Variants in ANKRD28 observed in about 807,000 individuals in gnomAD.
ANKRD28 encodes the protein serine/threonine-protein phosphatase 6 regulatory ankyrin repeat subunit A.
In ANKRD28, 44 loss-of-function variants were observed where a neutral mutation model predicts 126.5. The ratio of observed to expected loss-of-function variants is 0.35; its 90% CI spans 0.27 to 0.45. The LOEUF is 0.45. ANKRD28 is among the 20% of genes least tolerant of loss of function. The pLI is 1.00. For synonymous variants in ANKRD28, 442 were observed against 468.5 expected (o/e 0.94, Z 0.73); for missense variants, 1,110 against 1,316.6 (o/e 0.84, Z 2.43).
chr3:15,740,087 A>G (rs2075338468), intron 4 of ANKRD28, among the ~76,000 whole-genome samples: 1 of 152,280 alleles, frequency 6.6e-6, no homozygotes, highest in Non-Finnish European at 1.5e-5. Flanking sequence ...ATAATGCATG[A>G]AACATGGATA....
chr3:15,767,908 C>CAA (rs1002506765), intron 2 of ANKRD28, among the ~76,000 whole-genome samples: 2 of 150,886 alleles, frequency 1.3e-5, no homozygotes, highest in African/African-American at 4.9e-5. Flanking sequence ...CAAAACAAAA[C>CAA]AACAAAAACA....
intron 14 of ANKRD28, among the ~76,000 whole-genome samples, chr3:15,705,271 A>G (rs1014932345): frequency 6.6e-6 from 1 of 152,220 alleles, no homozygotes; most frequent in African/African-American, 2.4e-5. Flanking sequence ...TTGGCTTACA[A>G]TGAAACCACA....
chr3:15,841,809 C>T (rs1200044704), intron 1 of ANKRD28, among the ~76,000 whole-genome samples: 1 of 152,028 alleles, frequency 6.6e-6, no homozygotes, highest in Admixed American at 6.5e-5. Flanking sequence ...GAAAAGGGAA[C>T]CCTTGTACAC....
intron 3 of ANKRD28, 86 bp from the exon 4 acceptor site, chr3:15,751,906 C>T: frequency 2.4e-6 from 2 of 846,292 alleles, no homozygotes; most frequent in African/African-American, 1.8e-5. Flanking sequence ...ATATATAATC[C>T]AAATTGGATA....
At chr3:15,705,753 G>A (rs2071266602) in intron 14 of ANKRD28, among the ~76,000 whole-genome samples, 1 of 152,178 alleles carries the variant, frequency 6.6e-6, no homozygotes, top group Non-Finnish European at 1.5e-5. Flanking sequence ...TGTAATCCCA[G>A]CATTTTGGAA....
rs760134282 is a variant in ANKRD28 at position 15,751,865 on chromosome 3, T to C, written c.281-45A>G. The C allele has an allele frequency of 3.9e-6, 5 of 1,271,364 alleles. No individual in the cohort carries two copies. The Admixed American group carries it at 1.1e-4, about 29-fold the overall frequency. 78.8% of individuals were successfully genotyped at this position (1,271,364 alleles called of 1,614,324 possible). A position where few individuals can be genotyped will look rare whatever the true frequency, so the allele number is the denominator to read the frequency against. Reference sequence around the variant, plus strand: ...ATAAATTGAAATATTGTACATAAAATATTTTTAATAAATCTCCTGAAATAG... The same window carrying C: ...ATAAATTGAAATATTGTACATAAAACATTTTTAATAAATCTCCTGAAATAG... On this transcript the variant is annotated intron_variant, in intron 3 of 27. Coordinates refer to ENST00000683139, the MANE Select transcript of ANKRD28 (RefSeq NM_001349278.2).
chr3:15,709,856 A>AT (rs1190341140), intron 12 of ANKRD28, 120 bp from the exon 13 acceptor site: 1 of 589,740 alleles, frequency 1.7e-6, no homozygotes, highest in Non-Finnish European at 2.9e-6. Flanking sequence ...AAAAATGATG[A>AT]TTTACATTCT....
intron 1 of ANKRD28, among the ~76,000 whole-genome samples, chr3:15,829,569 A>G (rs2061145217): frequency 2.0e-5 from 3 of 152,198 alleles, no homozygotes; most frequent in South Asian, 2.1e-4. Context: ...TCATTTTACA[A>G]TATCATATAT....
At chr3:15,779,739 T>C (rs2059456330) in intron 2 of ANKRD28, among the ~76,000 whole-genome samples, 1 of 152,210 alleles carries the variant, frequency 6.6e-6, no homozygotes, top group Non-Finnish European at 1.5e-5. Context: ...CCTGTAGGTA[T>C]TTTAGAATCT....
At chr3:15,751,510 G>A (rs1559471069) in intron 4 of ANKRD28, among the ~76,000 whole-genome samples, 2 of 152,168 alleles carry the variant, frequency 1.3e-5, no homozygotes. Flanking sequence ...GATTTCTCTT[G>A]TAGAAGGGAC....
intron 3 of ANKRD28, among the ~76,000 whole-genome samples, chr3:15,760,682 A>G (rs962103793): frequency 6.6e-6 from 1 of 152,238 alleles, no homozygotes; most frequent in African/African-American, 2.4e-5. Context: ...CAAGAAAGAG[A>G]TAAGACAATG....
At position 15,833,049 on chromosome 3, in the gene ANKRD28, T is replaced by C. The variant is rs536943979; in HGVS notation, c.27+26328A>G. 4.4e-4 allele frequency among the ~76,000 whole-genome samples: 67 copies of C among 152,296 alleles called. No individual in the cohort carries two copies. The highest frequency in any genetic ancestry group is 8.1e-4 in the Non-Finnish European group (55 of 68,030). ...TACTAACTTACATTCCCACCAATAG[T>C]GTATAGTGTATAAGCATTCCCTTTT... On this transcript the variant is annotated intron_variant, in intron 1 of 27. Coordinates refer to the ANKRD28 transcript ENST00000399451. The surrounding 1 kb of genome is among the most constrained non-coding windows in gnomAD (Gnocchi z 4.4).
chr3:15,790,828 T>C (rs1579902), intron 2 of ANKRD28, among the ~76,000 whole-genome samples: 20,268 of 152,006 alleles, frequency 0.13, 2,049 homozygotes, highest in East Asian at 0.56. Context: ...GCATACAAAT[T>C]GGGAAGGAAG....
intron 1 of ANKRD28, among the ~76,000 whole-genome samples, chr3:15,821,139 A>C (rs768483297): frequency 4.6e-5 from 7 of 152,180 alleles, no homozygotes; most frequent in Non-Finnish European, 1.0e-4. Context: ...ATGACCAGAA[A>C]TATTTCCAGA....
At chr3:15,741,123 T>C (rs893576085) in intron 4 of ANKRD28, among the ~76,000 whole-genome samples, 25 of 151,770 alleles carry the variant, frequency 1.6e-4, no homozygotes, top group African/African-American at 5.6e-4. Flanking sequence ...GGCATGAACC[T>C]GGGAGGCGGA....
At chr3:15,732,127 C>T (rs1429685419) in intron 6 of ANKRD28, 3 of 151,930 alleles carry the variant, frequency 2.0e-5, no homozygotes, top group African/African-American at 7.3e-5. Context: ...GGGTGATGAC[C>T]CCATAGTGGG....
rs371648842 is a variant in ANKRD28, at chr3:15,736,966, A to G, written c.552+67T>C. The G allele has an allele frequency of 3.5e-5, 53 of 1,519,858 alleles. 1 individual carries two copies. The highest frequency in any genetic ancestry group is 2.9e-4 in the East Asian group (13 of 44,164). 94.1% of individuals were successfully genotyped at this position (1,519,858 alleles called of 1,614,324 possible). ...TATGCCTTTACTATGCAAAAATGCA[A>G]GTTCTTTAATAAGTGGGGGGTGGAC... On this transcript the variant is annotated intron_variant, in intron 5 of 27. Transcript: ENST00000683139.
At chr3:15,759,847 T>C (rs1195209050) in intron 3 of ANKRD28, among the ~76,000 whole-genome samples, 1 of 152,224 alleles carries the variant, frequency 6.6e-6, no homozygotes, top group Admixed American at 6.5e-5. Flanking sequence ...TGCTCCTTTC[T>C]CTCTGCTGTG....
intron 4 of ANKRD28, among the ~76,000 whole-genome samples, chr3:15,738,977 TCTC>T (rs1007529338): frequency 8.7e-4 from 132 of 152,300 alleles, no homozygotes; most frequent in African/African-American, 3.1e-3. Flanking sequence ...CAGCGATATT[TCTC>T]CTATTTGCTT....
Sources: allele counts gnomAD v4.1 joint callset (sites outside exome capture counted in the v4.1 genomes callset), GRCh38; gene constraint gnomAD v4.1.1; non-coding constraint Gnocchi (gnomAD v3.1); transcripts MANE v1.5; gene names NCBI Gene and HGNC (gene_info 2026-07-23, HGNC 2026-07-21).